Variants in MMP24OS observed in about 807,000 individuals in gnomAD.
MMP24OS encodes the protein MMP24 opposite strand.
In MMP24OS at chr20:35,277,420, C is replaced by A; in HGVS notation, c.*294G>T. 5.7e-6 allele frequency: 2 copies of A among 351,684 alleles called. No homozygotes were observed. The highest frequency in any genetic ancestry group is 1.0e-5 in the Non-Finnish European group (2 of 195,948). 21.8% of individuals were successfully genotyped at this position (351,684 alleles called of 1,614,324 possible). ...GGCCTGTCCTGCCTCTGGAAGCCAG[C>A]GACAGAGAGGGATGCCCCCGACCCA... is the stretch of plus-strand genomic sequence containing the variant. On this transcript the variant is annotated 3_prime_UTR_variant, in exon 2 of 2. Transcript: ENST00000456790.
Position 35,276,931 on chromosome 20 carries a change from A to C in MMP24OS, c.*783T>G, listed in dbSNP as rs1173990235. The C allele has an allele frequency of 6.5e-6, 1 of 152,738 alleles. No individual in the cohort carries two copies. The highest frequency in any genetic ancestry group is 1.5e-5 in the Non-Finnish European group (1 of 68,074). 9.5% of individuals were successfully genotyped at this position (152,738 alleles called of 1,614,324 possible). A position where few individuals can be genotyped will look rare whatever the true frequency, so the allele number is the denominator to read the frequency against. The stretch of plus-strand genomic sequence containing the variant: ...ACATCACAGCATTTCAGTGTCAGTC[A>C]CATTTTAAACTGATCAGCCTTTGTA... On this transcript the variant is annotated 3_prime_UTR_variant, in exon 2 of 2. Coordinates refer to ENST00000456790, the MANE Select transcript of MMP24OS (RefSeq NM_001355003.2).
In MMP24OS at chr20:35,277,230, G is replaced by A. The variant is rs944041480; in HGVS notation, c.*484C>T. ...ATGCCTCCTTACGATCCAGGATGGA[G>A]AGCAGCCCCCCCAGGAGTATGGGGA... is the stretch of plus-strand genomic sequence containing the variant. On this transcript the variant is annotated 3_prime_UTR_variant, in exon 2 of 2. Coordinates refer to ENST00000456790, the MANE Select transcript of MMP24OS (RefSeq NM_001355003.2). 4 of 153,516 alleles carry A rather than the reference G, an allele frequency of 2.6e-5. No individual in the cohort carries two copies. The highest frequency in any genetic ancestry group is 4.3e-5 in the Non-Finnish European group (3 of 69,008). The allele number at this position is 153,516 out of a possible 1,614,324, so 9.5% of individuals were successfully genotyped here.
chr20:35,277,352 C>G lies in MMP24OS; in HGVS notation c.*362G>C. 4.0e-6 allele frequency: 1 copy of G among 250,844 alleles called. No individual in the cohort carries two copies. Among genetic ancestry groups the G allele is most frequent in the Non-Finnish European group, 7.6e-6 (1 of 132,020 alleles). 15.5% of individuals were successfully genotyped at this position (250,844 alleles called of 1,614,324 possible). On this transcript the variant is annotated 3_prime_UTR_variant, in exon 2 of 2. Transcript: ENST00000456790. ...CAGCAATACAGATATTAATAAAAGG[C>G]AGACGAAGTCAGGAGGTCAGCAACT...
chr20:35,277,336 A>T lies in MMP24OS; in HGVS notation c.*378T>A, dbSNP rs1418743013. On this transcript the variant is annotated 3_prime_UTR_variant, in exon 2 of 2. Coordinates refer to ENST00000456790, the MANE Select transcript of MMP24OS (RefSeq NM_001355003.2). The stretch of plus-strand genomic sequence containing the variant: ...TCAAGAGCACGGTTATCAGCAATAC[A>T]GATATTAATAAAAGGCAGACGAAGT... The T allele has an allele frequency of 4.8e-6, 1 of 209,034 alleles. No individual in the cohort carries two copies. Among genetic ancestry groups the T allele is most frequent in the Non-Finnish European group, 9.5e-6 (1 of 105,588 alleles). 12.9% of individuals were successfully genotyped at this position (209,034 alleles called of 1,614,324 possible).
Position 35,277,489 on chromosome 20 carries a change from G to A in MMP24OS, c.*225C>T. 2.6e-6 allele frequency: 1 copy of A among 386,432 alleles called. No homozygotes were observed. The allele number at this position is 386,432 out of a possible 1,614,324, so 23.9% of individuals were successfully genotyped here. A position where few individuals can be genotyped will look rare whatever the true frequency, so the allele number is the denominator to read the frequency against. ...TGGGGTGGTCACGAAGGTCTGAGCT[G>A]GGTCTGGGTGTAGGCTGGGAAGCAG... On this transcript the variant is annotated 3_prime_UTR_variant, in exon 2 of 2. Transcript: ENST00000456790.
chr20:35,277,651 A>T lies in MMP24OS; in HGVS notation c.*63T>A. On this transcript the variant is annotated 3_prime_UTR_variant, in exon 2 of 2. Transcript: ENST00000456790. ...AGACGCAGGGACGTGGGGAGAGGAG[A>T]CAAGGCAGGCAAGAACCACAGGGGA... The T allele has an allele frequency of 2.5e-6, 1 of 395,414 alleles. No homozygotes were observed. Among genetic ancestry groups the T allele is most frequent in the Admixed American group, 4.4e-5 (1 of 22,600 alleles). 24.5% of individuals were successfully genotyped at this position (395,414 alleles called of 1,614,324 possible).
chr20:35,276,879 G>C lies in MMP24OS; in HGVS notation c.*835C>G, dbSNP rs1308237032. 6.5e-6 allele frequency: 1 copy of C among 152,866 alleles called. No homozygotes were observed. Among genetic ancestry groups the C allele is most frequent in the African/African-American group, 2.4e-5 (1 of 41,482 alleles). The allele number at this position is 152,866 out of a possible 1,614,324, so 9.5% of individuals were successfully genotyped here. On this transcript the variant is annotated 3_prime_UTR_variant, in exon 2 of 2. Coordinates refer to ENST00000456790, the MANE Select transcript of MMP24OS (RefSeq NM_001355003.2). ...GAGGGGCAAAGCACTGGGGGCCCCA[G>C]AGCCTAGCTTCCCCTCAGCCTGGGG...
Position 35,276,493 on chromosome 20 carries a change from G to C in MMP24OS, c.*1221C>G. On this transcript the variant is annotated 3_prime_UTR_variant, in exon 2 of 2. Transcript: ENST00000456790. ...GGTTGTTACTTGCCCGGGCCATCCAGTGGGCTGGCTGGGTCTTGTGTCCCC... is the reference window on the plus strand; with the variant it reads ...GGTTGTTACTTGCCCGGGCCATCCACTGGGCTGGCTGGGTCTTGTGTCCCC... 2.5e-6 allele frequency: 1 copy of C among 393,280 alleles called. No homozygotes were observed. Among genetic ancestry groups the C allele is most frequent in the Non-Finnish European group, 4.5e-6 (1 of 222,844 alleles). 24.4% of individuals were successfully genotyped at this position (393,280 alleles called of 1,614,324 possible).
Position 35,277,560 on chromosome 20 carries a change from A to G in MMP24OS, c.*154T>C. Reference sequence around the variant, plus strand: ...GGCGGCCCTGCCGGGACTTCTTTCCAGTCCCCGGCGACCTCTTCGAATTCT... The same window carrying G: ...GGCGGCCCTGCCGGGACTTCTTTCCGGTCCCCGGCGACCTCTTCGAATTCT... On this transcript the variant is annotated 3_prime_UTR_variant, in exon 2 of 2. Transcript: ENST00000456790. 1 of 390,956 alleles carries G rather than the reference A, an allele frequency of 2.6e-6. No homozygotes were observed. Among genetic ancestry groups the G allele is most frequent in the Non-Finnish European group, 4.5e-6 (1 of 221,622 alleles). The allele number at this position is 390,956 out of a possible 1,614,324, so 24.2% of individuals were successfully genotyped here. A position where few individuals can be genotyped will look rare whatever the true frequency, so the allele number is the denominator to read the frequency against.
rs1329562517 is a variant in MMP24OS at position 35,277,847 on chromosome 20, G to A, written c.83C>T (p.Pro28Leu). The A allele has an allele frequency of 2.8e-5, 11 of 395,106 alleles. No homozygotes were observed. Among genetic ancestry groups the A allele is most frequent in the Non-Finnish European group, 3.6e-5 (8 of 224,488 alleles). 24.5% of individuals were successfully genotyped at this position (395,106 alleles called of 1,614,324 possible). A position where few individuals can be genotyped will look rare whatever the true frequency, so the allele number is the denominator to read the frequency against. The change falls in exon 2 of 2, where the codon CCG (proline) becomes CTG (leucine). Residue 28 changes from proline to leucine, a missense_variant. Physicochemically the swap from Pro to Leu is moderately conservative, Grantham distance 98. Transcript: ENST00000456790. ...ATGCCGGGGCTGTTCCGGGCCCTCC[G>A]GCGCCGCAGGCTGGGGCTGGGGCTG... The part of the protein sequence containing the change: ...QPQPQPQPAA[P>L]EGPEQPRHPP...
rs1284080525 is a variant in MMP24OS at position 35,277,861 on chromosome 20, G to C, written c.69C>G (p.Pro23=). The C allele has an allele frequency of 5.3e-5, 21 of 395,674 alleles. No homozygotes were observed. The highest frequency in any genetic ancestry group is 8.4e-5 in the Non-Finnish European group (19 of 226,324). The allele number at this position is 395,674 out of a possible 1,614,324, so 24.5% of individuals were successfully genotyped here. Residue 23 remains proline (P), a synonymous_variant, in exon 2 of 2, where the codon CCC becomes CCG. Transcript: ENST00000456790. ...CCGGGCCCTCCGGCGCCGCAGGCTG[G>C]GGCTGGGGCTGGGGCTGGGTTTGCG... The part of the protein sequence containing the change: ...EPAQTQPQPQ[P]QPAAPEGPEQ...
At position 35,277,115 on chromosome 20, in the gene MMP24OS, C is replaced by G. The variant is rs2060714574; in HGVS notation, c.*599G>C. ...TCTGGGAGCTGCCCACCCATCTCCTCTGCCAGACCGGCGGTCAGATAGCCT... is the reference window on the plus strand; with the variant it reads ...TCTGGGAGCTGCCCACCCATCTCCTGTGCCAGACCGGCGGTCAGATAGCCT... On this transcript the variant is annotated 3_prime_UTR_variant, in exon 2 of 2. Coordinates refer to ENST00000456790, the MANE Select transcript of MMP24OS (RefSeq NM_001355003.2). 2 of 152,542 alleles carry G rather than the reference C, an allele frequency of 1.3e-5. No homozygotes were observed. Among genetic ancestry groups the G allele is most frequent in the South Asian group, 4.1e-4 (2 of 4,834 alleles). The allele number at this position is 152,542 out of a possible 1,614,324, so 9.4% of individuals were successfully genotyped here.
rs1359530499 is a variant in MMP24OS at position 35,277,728 on chromosome 20, T to G, written c.202A>C (p.Thr68Pro). Residue 68 changes from threonine to proline, a missense_variant, in exon 2 of 2, where the codon ACT becomes CCT. By Grantham distance (38) the Thr-to-Pro change is conservative. Coordinates refer to ENST00000456790, the MANE Select transcript of MMP24OS (RefSeq NM_001355003.2). ...GGAGGACGCCGTCAGTACCAGGAAG[T>G]GCAGGCGATGAGGAAGCGCACGTCG... ...LDDVRFLIAC[T>P]SWY 2.9e-6 allele frequency: 1 copy of G among 342,270 alleles called. No individual in the cohort carries two copies. Among genetic ancestry groups the G allele is most frequent in the Non-Finnish European group, 5.1e-6 (1 of 195,186 alleles). 21.2% of individuals were successfully genotyped at this position (342,270 alleles called of 1,614,324 possible). A position where few individuals can be genotyped will look rare whatever the true frequency, so the allele number is the denominator to read the frequency against.
chr20:35,277,456 G>A lies in MMP24OS; in HGVS notation c.*258C>T. 2.6e-6 allele frequency: 1 copy of A among 378,178 alleles called. No homozygotes were observed. Among genetic ancestry groups the A allele is most frequent in the Non-Finnish European group, 4.7e-6 (1 of 213,264 alleles). 23.4% of individuals were successfully genotyped at this position (378,178 alleles called of 1,614,324 possible). ...GATGCCCCCGACCCAGCCAGCCGGAGAAAGGGATGGGGTGGTCACGAAGGT... is the reference window on the plus strand; with the variant it reads ...GATGCCCCCGACCCAGCCAGCCGGAAAAAGGGATGGGGTGGTCACGAAGGT... On this transcript the variant is annotated 3_prime_UTR_variant, in exon 2 of 2. Coordinates refer to ENST00000456790, the MANE Select transcript of MMP24OS (RefSeq NM_001355003.2).
rs2060717162 is a variant in MMP24OS at position 35,277,367 on chromosome 20, G to A, written c.*347C>T. The A allele has an allele frequency of 3.5e-6, 1 of 288,618 alleles. No homozygotes were observed. Among genetic ancestry groups the A allele is most frequent in the Non-Finnish European group, 6.4e-6 (1 of 155,972 alleles). 17.9% of individuals were successfully genotyped at this position (288,618 alleles called of 1,614,324 possible). Reference sequence around the variant, plus strand: ...TAATAAAAGGCAGACGAAGTCAGGAGGTCAGCAACTTTGCGGGCTTACCAG... The same window carrying A: ...TAATAAAAGGCAGACGAAGTCAGGAAGTCAGCAACTTTGCGGGCTTACCAG... On this transcript the variant is annotated 3_prime_UTR_variant, in exon 2 of 2. Transcript: ENST00000456790.
In MMP24OS at chr20:35,277,712, C is replaced by G; in HGVS notation, c.*2G>C. On this transcript the variant is annotated 3_prime_UTR_variant, in exon 2 of 2. Transcript: ENST00000456790. ...ACGGGCGACATCCTGCGGAGGACGC[C>G]GTCAGTACCAGGAAGTGCAGGCGAT... The G allele has an allele frequency of 2.6e-6, 1 of 380,458 alleles. No individual in the cohort carries two copies. The highest frequency in any genetic ancestry group is 4.6e-6 in the Non-Finnish European group (1 of 215,250). The allele number at this position is 380,458 out of a possible 1,614,324, so 23.6% of individuals were successfully genotyped here.
rs189075989 is a variant in MMP24OS at position 35,278,042 on chromosome 20, C to T, written c.-37G>A. On this transcript the variant is annotated 5_prime_UTR_variant, in exon 1 of 2. Coordinates refer to ENST00000456790, the MANE Select transcript of MMP24OS (RefSeq NM_001355003.2). ...GCCAGACCCGCGGGTCTCCCGGAAC[C>T]CACCTCGGCGTCGGGAGGAGCTGGC... 3.9e-4 allele frequency: 153 copies of T among 389,418 alleles called. 1 individual carries two copies. The highest frequency in any genetic ancestry group is 2.4e-3 in the Admixed American group (53 of 22,414). 24.1% of individuals were successfully genotyped at this position (389,418 alleles called of 1,614,324 possible). A position where few individuals can be genotyped will look rare whatever the true frequency, so the allele number is the denominator to read the frequency against.
chr20:35,278,010 T>C lies in MMP24OS; in HGVS notation c.-5A>G. The stretch of plus-strand genomic sequence containing the variant: ...GCCCCGCCCCGGCTCTGCCCTCACC[T>C]CTCGCAGCCAGACCCGCGGGTCTCC... On this transcript the variant is annotated splice_region_variant and 5_prime_UTR_variant, in exon 1 of 2. Transcript: ENST00000456790. 1 of 389,560 alleles carries C rather than the reference T, an allele frequency of 2.6e-6. No individual in the cohort carries two copies. Among genetic ancestry groups the C allele is most frequent in the Non-Finnish European group, 4.5e-6 (1 of 220,844 alleles). 24.1% of individuals were successfully genotyped at this position (389,560 alleles called of 1,614,324 possible). A position where few individuals can be genotyped will look rare whatever the true frequency, so the allele number is the denominator to read the frequency against.
At position 35,276,624 on chromosome 20, in the gene MMP24OS, G is replaced by T. The variant is rs2060709166; in HGVS notation, c.*1090C>A. The T allele has an allele frequency of 4.4e-6, 1 of 225,532 alleles. No homozygotes were observed. The highest frequency in any genetic ancestry group is 5.8e-5 in the Admixed American group (1 of 17,284). 14.0% of individuals were successfully genotyped at this position (225,532 alleles called of 1,614,324 possible). Reference sequence around the variant, plus strand: ...TTCCTGGTCCCTGTCCACTCCTCAGGTTGGTGCTCTCACTTCTTGAAAGCT... The same window carrying T: ...TTCCTGGTCCCTGTCCACTCCTCAGTTTGGTGCTCTCACTTCTTGAAAGCT... On this transcript the variant is annotated 3_prime_UTR_variant, in exon 2 of 2. Coordinates refer to ENST00000456790, the MANE Select transcript of MMP24OS (RefSeq NM_001355003.2).
Sources: gnomAD v4.1 joint callset for allele counts on GRCh38, gnomAD v4.1.1 for gene constraint, MANE v1.5 for transcripts, NCBI Gene and HGNC (gene_info 2026-07-23, HGNC 2026-07-21) for gene names.